The following STIMATE variants were observed in gnomAD, a reference collection of about 807,000 sequenced individuals.
STIMATE encodes the protein store-operated calcium entry regulator STIMATE.
In STIMATE, 15 loss-of-function variants were observed where a neutral mutation model predicts 36.7. That is an observed-to-expected ratio of 0.41 (90% CI 0.27 to 0.63). STIMATE has a LOEUF of 0.63. Among genes scored for constraint, STIMATE ranks in the 20% least tolerant of loss-of-function variants. The probability of loss-of-function intolerance (pLI) is 0.32; values close to 1 mark genes in which losing one functional copy is unlikely to be tolerated. For synonymous variants in STIMATE, 163 were observed against 162.3 expected (o/e 1.00, Z -0.03); for missense variants, 305 against 397.3 (o/e 0.77, Z 1.98).
At chr3:52,852,894 GA>G (rs1309366567) in intron 2 of STIMATE, among the ~76,000 whole-genome samples, 196 bp from the exon 3 acceptor site, 1 of 152,142 alleles carries the variant, frequency 6.6e-6, no homozygotes, top group Admixed American at 6.6e-5. Flanking sequence ...CACTGCCTTT[GA>G]AAACCCTAAA....
chr3:52,873,935 C>A (rs1243830495), intron 1 of STIMATE, among the ~76,000 whole-genome samples: 2 of 152,186 alleles, frequency 1.3e-5, no homozygotes, highest in African/African-American at 4.8e-5. Flanking sequence ...TTCATTCAAT[C>A]TCATAGCGGG....
At chr3:52,882,936 C>A (rs1250208944) in intron 1 of STIMATE, among the ~76,000 whole-genome samples, 3 of 152,124 alleles carry the variant, frequency 2.0e-5, no homozygotes, top group African/African-American at 7.2e-5. Context: ...CTTCTAGGAG[C>A]CTAAAACCAC....
At chr3:52,870,891 C>T (rs1198110937) in intron 1 of STIMATE, among the ~76,000 whole-genome samples, 1 of 152,086 alleles carries the variant, frequency 6.6e-6, no homozygotes, top group East Asian at 1.9e-4. Context: ...TCCCCTCTCA[C>T]TGGAAGGTCT....
chr3:52,883,322 G>C (rs1280013165), intron 1 of STIMATE, among the ~76,000 whole-genome samples: 1 of 152,084 alleles, frequency 6.6e-6, no homozygotes, highest in Non-Finnish European at 1.5e-5. Flanking sequence ...TTCTTATGTT[G>C]ATTTCTCTGT....
intron 1 of STIMATE, among the ~76,000 whole-genome samples, chr3:52,878,353 T>C (rs1448049439): frequency 2.6e-5 from 4 of 151,948 alleles, no homozygotes; most frequent in African/African-American, 7.3e-5. Flanking sequence ...AGAAGTCTGA[T>C]GGTCCTGGCT....
At chr3:52,845,694 C>T (rs1232737872) in intron 4 of STIMATE, among the ~76,000 whole-genome samples, 1 of 152,190 alleles carries the variant, frequency 6.6e-6, no homozygotes, top group Non-Finnish European at 1.5e-5. Flanking sequence ...GGAGGATGTG[C>T]AGGCCTTGGA....
intron 3 of STIMATE, among the ~76,000 whole-genome samples, chr3:52,851,470 T>C (rs571740275): frequency 6.6e-6 from 1 of 152,382 alleles, no homozygotes; most frequent in East Asian, 1.9e-4. Flanking sequence ...CACAGCACTC[T>C]GATGCCAGAG....
chr3:52,887,252 C>T (rs1306933168), intron 1 of STIMATE, among the ~76,000 whole-genome samples: 3 of 152,140 alleles, frequency 2.0e-5, no homozygotes, highest in African/African-American at 4.8e-5. Flanking sequence ...TAGTTAGAAA[C>T]GAAAATAATC....
At chr3:52,844,719 T>C in intron 5 of STIMATE, 110 bp downstream of exon 5, 5 of 1,123,622 alleles carry the variant, frequency 4.4e-6, no homozygotes, top group Non-Finnish European at 4.9e-6. Flanking sequence ...GACACATTCA[T>C]AGAGTTAAAA....
At chr3:52,845,867 G>A (rs1193426720) in intron 4 of STIMATE, among the ~76,000 whole-genome samples, 1 of 148,980 alleles carries the variant, frequency 6.7e-6, no homozygotes, top group Admixed American at 6.8e-5. Flanking sequence ...GGCTCACCCT[G>A]GAAGTTCTGC....
At chr3:52,895,911 GC>G (rs1158808850) in intron 1 of STIMATE, 1 of 1,289,692 alleles carries the variant, frequency 7.8e-7, no homozygotes, top group Admixed American at 2.3e-5. Context: ...CAGTACATGC[GC>G]CCAAGTCAGC....
intron 1 of STIMATE, among the ~76,000 whole-genome samples, chr3:52,895,294 T>C (rs948172188): frequency 6.6e-6 from 1 of 152,302 alleles, no homozygotes; most frequent in Admixed American, 6.5e-5. Flanking sequence ...CTTGTCCAGC[T>C]CCCAGAGTAC....
chr3:52,876,393 C>T (rs1331489574), intron 1 of STIMATE, among the ~76,000 whole-genome samples: 1 of 152,180 alleles, frequency 6.6e-6, no homozygotes, highest in African/African-American at 2.4e-5. Context: ...TATGTGCAAC[C>T]CAGACAGCAT....
chr3:52,895,714 A>G (rs915208658), intron 1 of STIMATE, among the ~76,000 whole-genome samples: 8 of 152,232 alleles, frequency 5.3e-5, no homozygotes, highest in Non-Finnish European at 8.8e-5. Flanking sequence ...CCTAGGGGAC[A>G]AGCCGGGCCA....
At chr3:52,894,820 C>T (rs549479362) in intron 1 of STIMATE, among the ~76,000 whole-genome samples, 1 of 152,314 alleles carries the variant, frequency 6.6e-6, no homozygotes, top group East Asian at 1.9e-4. Flanking sequence ...TCGAGGGCCA[C>T]GGGTACTCAG....
At chr3:52,891,329 C>T (rs537807607) in intron 1 of STIMATE, among the ~76,000 whole-genome samples, 1 of 152,314 alleles carries the variant, frequency 6.6e-6, no homozygotes, top group African/African-American at 2.4e-5. Context: ...TGCTCACCGA[C>T]CGCTTCTGTA....
intron 1 of STIMATE, among the ~76,000 whole-genome samples, chr3:52,892,918 G>T (rs1260349581): frequency 6.6e-6 from 1 of 151,876 alleles, no homozygotes; most frequent in African/African-American, 2.4e-5. Context: ...AACTGCTCCA[G>T]ACCAAACTCA....
intron 1 of STIMATE, among the ~76,000 whole-genome samples, chr3:52,862,458 T>C (rs913773677): frequency 3.9e-5 from 6 of 152,244 alleles, no homozygotes; most frequent in South Asian, 2.1e-4. Context: ...TCAAGGGGCT[T>C]TCAGTCTAGT....
intron 7 of STIMATE, 73 bp from the exon 8 acceptor site, chr3:52,840,683 G>T: frequency 7.1e-7 from 1 of 1,416,280 alleles, no homozygotes; most frequent in Non-Finnish European, 9.5e-7. Context: ...CTGGACCCTG[G>T]GCCCTTCAAG....
Sources: gnomAD v4.1 joint callset for allele counts (sites outside exome capture counted in the v4.1 genomes callset) on GRCh38, gnomAD v4.1.1 for gene constraint, MANE v1.5 for transcripts, NCBI Gene and HGNC (gene_info 2026-07-23, HGNC 2026-07-21) for gene names.